The following ASGR1 variants were observed in gnomAD, a reference collection of about 807,000 sequenced individuals.
The protein encoded by ASGR1 is C-type lectin domain family 4 member H1.
ASGR1 carries 35 observed loss-of-function variants against 33.1 expected under a neutral mutation model. The observed-to-expected ratio is 1.06, with a 90% CI of 0.81 to 1.40. ASGR1 has a LOEUF of 1.40. Ranked by LOEUF, ASGR1 falls within the 40% of genes most tolerant of loss-of-function variation. ASGR1 has a pLI of 0.00. For missense variants in ASGR1, 396 were observed against 373.7 expected (o/e 1.06, Z -0.49); for synonymous variants, 142 against 152.5 (o/e 0.93, Z 0.51).
In ASGR1 at chr17:7,176,873, C is replaced by A. The variant is rs112149754; in HGVS notation, c.312G>T (p.Ser104=). ...QGGNVGRKMK[S]LESQLEKQQK... The stretch of plus-strand genomic sequence containing the variant: ...GCTGTTTCTCCAGCTGGGACTCTAG[C>A]GACTTCATCTTTCTTCCCACATTGC... The change falls in exon 5 of 9, where the codon TCG becomes TCT. Residue 104 remains serine, a synonymous_variant. Transcript: ENST00000269299. The A allele has an allele frequency of 2.5e-6, 4 of 1,613,208 alleles. No homozygotes were observed. Among genetic ancestry groups the A allele is most frequent in the African/African-American group, 1.3e-5 (1 of 74,968 alleles).
chr17:7,178,414 G>A (rs2069240704), intron 2 of ASGR1, 80 bp downstream of exon 2: 2 of 1,419,950 alleles, frequency 1.4e-6, no homozygotes. Flanking sequence ...CAGGCTCACG[G>A]GCAAGAGTAG....
rs1188464442 is a variant in ASGR1 at position 7,173,949 on chromosome 17, G to A, written c.701+12C>T. The stretch of plus-strand genomic sequence containing the variant: ...GCGGCCGGACCCAGGCCGAGGGAGG[G>A]CGCGCACTCACTTGAAGCCCGTCTC... On this transcript the variant is annotated intron_variant, in intron 8 of 8. Transcript: ENST00000269299. This position sits in a 1 kb window ranked among gnomAD's most constrained non-coding sequence, Gnocchi z 4.7. The A allele has an allele frequency of 6.2e-7, 1 of 1,614,064 alleles. No homozygotes were observed. Among genetic ancestry groups the A allele is most frequent in the East Asian group, 2.2e-5 (1 of 44,882 alleles).
chr17:7,174,894 TAAAAC>T (rs2069177204), intron 5 of ASGR1, among the ~76,000 whole-genome samples: 3 of 117,212 alleles, frequency 2.6e-5, no homozygotes, highest in Non-Finnish European at 5.2e-5. Flanking sequence ...AGACAACACA[TAAAAC>T]ACACAATACA....
chr17:7,176,518 CTCTCATTCCCACACACACACCA>C (rs2142766579), intron 5 of ASGR1: 2 of 463,750 alleles, frequency 4.3e-6, no homozygotes, highest in East Asian at 8.4e-5. Context: ...CACACACCCC[CTCTCATTCCCACACACACACCA>C]TCTCATTCTC....
rs1358988469 is a variant in ASGR1 at position 7,179,326 on chromosome 17, A to C, written c.-162T>G. 6.6e-6 allele frequency: 1 copy of C among 152,244 alleles called. No individual in the cohort carries two copies. The highest frequency in any genetic ancestry group is 2.4e-5 in the African/African-American group (1 of 41,388). 9.4% of individuals were successfully genotyped at this position (152,244 alleles called of 1,614,324 possible). A position where few individuals can be genotyped will look rare whatever the true frequency, so the allele number is the denominator to read the frequency against. On this transcript the variant is annotated 5_prime_UTR_variant, in exon 1 of 9. Coordinates refer to ENST00000269299, the MANE Select transcript of ASGR1 (RefSeq NM_001671.5). ...TGGGAGGGGAGCGGGCAGGGTCCAT[A>C]GGAGGGCCCTGGGCCCCGGTGTCTC...
chr17:7,176,911 A>T lies in ASGR1; in HGVS notation c.284-10T>A. 1 of 1,611,656 alleles carries T rather than the reference A, an allele frequency of 6.2e-7. No homozygotes were observed. The highest frequency in any genetic ancestry group is 8.5e-7 in the Non-Finnish European group (1 of 1,179,834). ...CTTCCCACATTGCCTCCTGCGGGAGAGGCTCGCTCAGCGTTCCCGACAGCC... is the reference window on the plus strand; with the variant it reads ...CTTCCCACATTGCCTCCTGCGGGAGTGGCTCGCTCAGCGTTCCCGACAGCC... On this transcript the variant is annotated splice_polypyrimidine_tract_variant and intron_variant, in intron 4 of 8. Transcript: ENST00000269299.
Position 7,173,782 on chromosome 17 carries a change from T to C in ASGR1, c.753A>G (p.Gly251=). Residue 251 remains glycine (G), a synonymous_variant, in exon 9 of 9, where the codon GGA becomes GGG. Transcript: ENST00000269299. This position sits in a 1 kb window ranked among gnomAD's most constrained non-coding sequence, Gnocchi z 4.7. ...PDDWYGHGLG[G]GEDCAHFTDD... Reference sequence around the variant, plus strand: ...CGGTGAAGTGGGCACAGTCCTCGCCTCCTCCGAGCCCGTGGCCGTACCAGT... The same window carrying C: ...CGGTGAAGTGGGCACAGTCCTCGCCCCCTCCGAGCCCGTGGCCGTACCAGT... 6.2e-7 allele frequency: 1 copy of C among 1,612,798 alleles called. No homozygotes were observed. The highest frequency in any genetic ancestry group is 8.5e-7 in the Non-Finnish European group (1 of 1,179,830).
chr17:7,173,707 G>A lies in ASGR1; in HGVS notation c.828C>T (p.Val276=). ...DDVCQRPYRW[V]CETELDKASQ... ...TGGCCTTGTCCAGCTCTGTCTCGCA[G>A]ACCCAGCGGTAGGGCCTCTGGCAGA... The change falls in exon 9 of 9, where the codon GTC becomes GTT. Residue 276 remains valine (V), a synonymous_variant. Transcript: ENST00000269299. This position sits in a 1 kb window ranked among gnomAD's most constrained non-coding sequence, Gnocchi z 4.7. The A allele has an allele frequency of 1.2e-6, 2 of 1,613,970 alleles. No individual in the cohort carries two copies. Among genetic ancestry groups the A allele is most frequent in the Non-Finnish European group, 8.5e-7 (1 of 1,180,034 alleles).
chr17:7,175,600 A>G (rs2069188898), intron 5 of ASGR1, among the ~76,000 whole-genome samples: 1 of 147,518 alleles, frequency 6.8e-6, no homozygotes, highest in Admixed American at 6.6e-5. Context: ...ATATACTTAC[A>G]TTCTCACACA....
intron 5 of ASGR1, 99 bp downstream of exon 5, chr17:7,176,730 TC>T: frequency 1.3e-6 from 2 of 1,504,870 alleles, no homozygotes; most frequent in African/African-American, 1.4e-5. Flanking sequence ...TCCCTCTCAT[TC>T]TCACACACAT....
In ASGR1 at chr17:7,176,850, T is replaced by C; in HGVS notation, c.335A>G (p.Gln112Arg). The C allele has an allele frequency of 6.2e-7, 1 of 1,613,004 alleles. No individual in the cohort carries two copies. The highest frequency in any genetic ancestry group is 1.1e-5 in the South Asian group (1 of 91,076). ...MKSLESQLEK[Q>R]QKDLSEDHSS... ...CTGACCTTCACTCAGGTCCTTCTGC[T>C]GTTTCTCCAGCTGGGACTCTAGCGA... is the stretch of plus-strand genomic sequence containing the variant. Residue 112 changes from glutamine (Q) to arginine (R), a missense_variant, in exon 5 of 9, where the codon CAG (glutamine) becomes CGG (arginine). Coordinates refer to ENST00000269299, the MANE Select transcript of ASGR1 (RefSeq NM_001671.5).
chr17:7,178,777 C>A, intron 1 of ASGR1, 189 bp from the exon 2 acceptor site: 1 of 458,054 alleles, frequency 2.2e-6, no homozygotes, highest in East Asian at 3.6e-5. Context: ...TTGCTCTGTC[C>A]CCAGGCCGGA....
At chr17:7,178,278 A>G in intron 2 of ASGR1, 1 of 572,872 alleles carries the variant, frequency 1.7e-6, no homozygotes. Flanking sequence ...CAGGAGGCAC[A>G]GGAAAGCTTT....
intron 5 of ASGR1, among the ~76,000 whole-genome samples, chr17:7,175,821 ACACT>A (rs1382047736): frequency 6.7e-6 from 1 of 148,810 alleles, no homozygotes; most frequent in Non-Finnish European, 1.5e-5. Flanking sequence ...TCACAGACAC[ACACT>A]CAGACACACA....
intron 5 of ASGR1, chr17:7,176,475 TCA>T (rs142816830): frequency 0.01 from 3,529 of 342,502 alleles, 33 homozygotes; most frequent in Middle Eastern, 0.029. Flanking sequence ...ACAGACTGTC[TCA>T]CACACACTCT....
chr17:7,176,323 A>AC (rs1460002302), intron 5 of ASGR1, among the ~76,000 whole-genome samples: 2 of 109,532 alleles, frequency 1.8e-5, no homozygotes, highest in Non-Finnish European at 3.8e-5. Flanking sequence ...AGACACAAAC[A>AC]CCCCTCATTC....
chr17:7,176,082 TCTCACA>T (rs1027147788), intron 5 of ASGR1, among the ~76,000 whole-genome samples: 8 of 146,608 alleles, frequency 5.5e-5, no homozygotes, highest in South Asian at 2.2e-4. Context: ...TCCTTCTCAT[TCTCACA>T]CTCACACACA....
At position 7,177,306 on chromosome 17, in the gene ASGR1, G is replaced by A. The variant is rs778458910; in HGVS notation, c.91C>T (p.Leu31Phe). 1 of 1,613,736 alleles carries A rather than the reference G, an allele frequency of 6.2e-7. No individual in the cohort carries two copies. The highest frequency in any genetic ancestry group is 8.5e-7 in the Non-Finnish European group (1 of 1,179,852). The change falls in exon 3 of 9, where the codon CTC becomes TTC. Residue 31 changes from leucine (L) to phenylalanine (F), a missense_variant. By Grantham distance (22) the Leu-to-Phe change is conservative. Transcript: ENST00000269299. ...LRKGPPPPQP[L>F]LQRLCSGPRL... Reference sequence around the variant, plus strand: ...GGTCCGGAGCAGAGACGCTGCAGGAGGGGCTGGGGAGGAGGTGGCCCTGCA... The same window carrying A: ...GGTCCGGAGCAGAGACGCTGCAGGAAGGGCTGGGGAGGAGGTGGCCCTGCA...
At chr17:7,178,421 G>T in intron 2 of ASGR1, 73 bp downstream of exon 2, 1 of 1,453,186 alleles carries the variant, frequency 6.9e-7, no homozygotes, top group Non-Finnish European at 9.7e-7. Context: ...ACGGGCAAGA[G>T]TAGGAGCTGT....
Sources: gnomAD v4.1 joint callset for allele counts (sites outside exome capture counted in the v4.1 genomes callset) on GRCh38, gnomAD v4.1.1 for gene constraint, Gnocchi (gnomAD v3.1) non-coding constraint, MANE v1.5 for transcripts, NCBI Gene and HGNC (gene_info 2026-07-23, HGNC 2026-07-21) for gene names.